SHKBP1: variants seen among roughly 807,000 people sequenced by gnomAD.
The protein encoded by SHKBP1 is SH3KBP1 binding protein 1, also known as SH3KBP1-binding protein 1.
Under a neutral mutation model 83.9 loss-of-function variants are expected in SHKBP1, and 71 were observed. That is an observed-to-expected ratio of 0.85 (90% CI 0.70 to 1.03). SHKBP1 has a LOEUF of 1.03. SHKBP1 is among the 50% of genes least tolerant of loss of function. The probability of loss-of-function intolerance (pLI) is 0.00; values close to 1 mark genes in which losing one functional copy is unlikely to be tolerated. For synonymous variants in SHKBP1, 371 were observed against 398.0 expected, an observed-to-expected ratio of 0.93 and a Z score of 0.81; for missense variants, 824 against 982.4, an observed-to-expected ratio of 0.84 and a Z score of 2.16.
chr19:40,578,543 G>A lies in SHKBP1; in HGVS notation c.400+1G>A, dbSNP rs748447127. 1.2e-5 allele frequency: 19 copies of A among 1,611,678 alleles called. No individual in the cohort carries two copies. Among genetic ancestry groups the A allele is most frequent in the Admixed American group, 1.7e-5 (1 of 59,770 alleles). On this transcript the variant is annotated splice_donor_variant, in intron 6 of 17. Transcript: ENST00000291842. LOFTEE classifies it high-confidence loss of function. ...TTCAATGGTTACCTGCCGCCACCAG[G>A]TAGGCACTCCCAATGGAATGGAGGG... is the stretch of plus-strand genomic sequence containing the variant.
chr19:40,578,580 G>A, intron 6 of SHKBP1, 38 bp downstream of exon 6: 1 of 1,579,908 alleles, frequency 6.3e-7, no homozygotes, highest in Non-Finnish European at 8.7e-7. Context: ...CGCGGAGGTG[G>A]GCCAAAGACT....
chr19:40,591,061 G>T lies in SHKBP1; in HGVS notation c.1978G>T (p.Gly660Trp). 1.2e-6 allele frequency: 2 copies of T among 1,612,936 alleles called. No individual in the cohort carries two copies. Among genetic ancestry groups the T allele is most frequent in the Admixed American group, 1.7e-5 (1 of 59,968 alleles). The change falls in exon 18 of 18, where the codon GGG becomes TGG. Residue 660 changes from glycine to tryptophan, a missense_variant. By Grantham distance (184) the Gly-to-Trp change is radical. Around this residue, in one of 3 missense-constraint regions of SHKBP1, gnomAD observed 287 missense variants for 322.9 expected, o/e 0.89. Coordinates refer to ENST00000291842, the MANE Select transcript of SHKBP1 (RefSeq NM_138392.4). ...GCAGGCTGAGGCCCGGCGCCGTGGT[G>T]GGGGCAGCTTTGTGGAACGCTGCCA... ...PPQAEARRRG[G>W]GSFVERCQEL...
chr19:40,590,247 G>T lies in SHKBP1; in HGVS notation c.1593G>T (p.Val531=). The part of the protein sequence containing the change: ...FVRLSSTGQR[V]CSVRSVDGSP... Reference sequence around the variant, plus strand: ...CCTCCCCCACTGCACCCCCCAGGGTGTGCTCCGTGCGCTCCGTGGACGGCT... The same window carrying T: ...CCTCCCCCACTGCACCCCCCAGGGTTTGCTCCGTGCGCTCCGTGGACGGCT... Residue 531 remains valine, a synonymous_variant, in exon 16 of 18, where the codon GTG becomes GTT. Transcript: ENST00000291842. The surrounding 1 kb of genome is among the most constrained non-coding windows in gnomAD (Gnocchi z 4.6). 2 of 1,585,238 alleles carry T rather than the reference G, an allele frequency of 1.3e-6. No individual in the cohort carries two copies. Among genetic ancestry groups the T allele is most frequent in the South Asian group, 2.3e-5 (2 of 87,650 alleles).
chr19:40,588,163 CCT>C (rs1376376469), intron 13 of SHKBP1, among the ~76,000 whole-genome samples: 1 of 152,058 alleles, frequency 6.6e-6, no homozygotes, highest in Non-Finnish European at 1.5e-5. Flanking sequence ...GCCACTTGTG[CCT>C]GGAACAGAGT....
At chr19:40,584,815 G>A (rs2081298408) in intron 12 of SHKBP1, among the ~76,000 whole-genome samples, 1 of 152,150 alleles carries the variant, frequency 6.6e-6, no homozygotes, top group Non-Finnish European at 1.5e-5. Context: ...TAGAGACTGG[G>A]TTACGCCACG....
At chr19:40,583,340 C>G (rs2081285138) in intron 10 of SHKBP1, 58 bp from the exon 11 acceptor site, 1 of 1,428,780 alleles carries the variant, frequency 7.0e-7, no homozygotes, top group Non-Finnish European at 9.5e-7. Context: ...GAGGGGTCAC[C>G]ACGGAAGGAA....
chr19:40,587,932 A>G (rs1465235798), intron 13 of SHKBP1, among the ~76,000 whole-genome samples: 2 of 152,104 alleles, frequency 1.3e-5, no homozygotes, highest in African/African-American at 4.8e-5. Context: ...AATCTAAATC[A>G]ACACCAGGCA....
rs373471246 is a variant in SHKBP1, at chr19:40,590,335, C to T, written c.1681C>T (p.Arg561Trp). 8 of 1,611,632 alleles carry T rather than the reference C, an allele frequency of 5.0e-6. No homozygotes were observed. Among genetic ancestry groups the T allele is most frequent in the Admixed American group, 1.7e-5 (1 of 59,856 alleles). Reference sequence around the variant, plus strand: ...CTCCCGGCGGCTCGGCTCTCGGCCCCGGCGCTACCTGCTCACTGGCCAGGC... The same window carrying T: ...CTCCCGGCGGCTCGGCTCTCGGCCCTGGCGCTACCTGCTCACTGGCCAGGC... ...EGSRRLGSRP[R>W]RYLLTGQANG... The change falls in exon 16 of 18, where the codon CGG becomes TGG. Residue 561 changes from arginine to tryptophan, a missense_variant. Transcript: ENST00000291842. The surrounding 1 kb of genome is among the most constrained non-coding windows in gnomAD (Gnocchi z 4.6).
intron 9 of SHKBP1, among the ~76,000 whole-genome samples, chr19:40,581,330 G>A (rs1453554289): frequency 2.0e-5 from 3 of 151,898 alleles, no homozygotes; most frequent in African/African-American, 7.3e-5. Flanking sequence ...GGCCAACAGG[G>A]TGAAACCCAG....
chr19:40,586,193 T>A (rs1180204783), intron 12 of SHKBP1, among the ~76,000 whole-genome samples: 1 of 151,882 alleles, frequency 6.6e-6, no homozygotes, highest in Non-Finnish European at 1.5e-5. Flanking sequence ...TTCTCTTTCC[T>A]CTCTTATTTG....
chr19:40,587,293 A>C (rs2081320428), intron 13 of SHKBP1, among the ~76,000 whole-genome samples: 1 of 152,042 alleles, frequency 6.6e-6, no homozygotes, highest in African/African-American at 2.4e-5. Context: ...TAAATCTATA[A>C]AAATGGACAT....
intron 12 of SHKBP1, among the ~76,000 whole-genome samples, chr19:40,584,868 G>T (rs1003649573): frequency 6.6e-6 from 1 of 152,160 alleles, no homozygotes; most frequent in Admixed American, 6.5e-5. Context: ...GGATTTGCCT[G>T]TTCTGGACAA....
chr19:40,589,204 AGGGAGGACAG>A, intron 15 of SHKBP1, 26 bp downstream of exon 15: 1 of 542,132 alleles, frequency 1.8e-6, no homozygotes. Flanking sequence ...TCCAACAGGG[AGGGAGGACAG>A]TCCTGTCCAA....
At chr19:40,579,681 A>C (rs1021811841) in intron 6 of SHKBP1, among the ~76,000 whole-genome samples, 2 of 152,060 alleles carry the variant, frequency 1.3e-5, no homozygotes, top group African/African-American at 4.8e-5. Flanking sequence ...ACAAAACGAA[A>C]AACAACTCTG....
intron 12 of SHKBP1, among the ~76,000 whole-genome samples, chr19:40,584,929 C>T (rs1431539921): frequency 6.6e-6 from 1 of 152,200 alleles, no homozygotes; most frequent in Non-Finnish European, 1.5e-5. Flanking sequence ...CTGCATTTTT[C>T]ACTTAGCATA....
chr19:40,577,208 G>T (rs777534941), intron 1 of SHKBP1, 23 bp from the exon 2 acceptor site: 1 of 1,612,696 alleles, frequency 6.2e-7, no homozygotes. Context: ...CATCTCTTGC[G>T]TCCGTTTACC....
intron 5 of SHKBP1, 26 bp from the exon 6 acceptor site, chr19:40,578,436 C>G: frequency 1.2e-6 from 2 of 1,613,598 alleles, no homozygotes; most frequent in Non-Finnish European, 8.5e-7. Flanking sequence ...TCCCTAAGTC[C>G]CAGCCTTTAA....
chr19:40,577,682 A>G, intron 4 of SHKBP1, 52 bp downstream of exon 4: 1 of 1,583,790 alleles, frequency 6.3e-7, no homozygotes, highest in Non-Finnish European at 8.7e-7. Flanking sequence ...GTCCCTGAGG[A>G]GTTCTTTCAC....
intron 3 of SHKBP1, 44 bp downstream of exon 3, chr19:40,577,485 G>C (rs370848724): frequency 6.2e-7 from 1 of 1,613,984 alleles, no homozygotes; most frequent in African/African-American, 1.3e-5. Flanking sequence ...GGAGGGGTTG[G>C]TAGGAAGAGG....
Sources: allele counts gnomAD v4.1 joint callset (sites outside exome capture counted in the v4.1 genomes callset), GRCh38; gene constraint gnomAD v4.1.1; regional missense constraint gnomAD v4.1.1; non-coding constraint Gnocchi (gnomAD v3.1); transcripts MANE v1.5; gene names NCBI Gene and HGNC (gene_info 2026-07-23, HGNC 2026-07-21).